Variants in MTUS1 observed in about 807,000 individuals in gnomAD.
MTUS1 encodes microtubule associated scaffold protein 1.
In MTUS1, 109 loss-of-function variants were observed where a neutral mutation model predicts 120.8. The ratio of observed to expected loss-of-function variants is 0.90; its 90% confidence interval spans 0.77 to 1.06. The LOEUF (loss-of-function observed/expected upper bound fraction) is 1.06, where lower values mean the gene tolerates loss of function less well. Among genes scored for constraint, MTUS1 ranks in the 50% least tolerant of loss-of-function variants. The pLI is 0.00. For synonymous variants in MTUS1, 737 were observed against 550.5 expected (o/e 1.34, Z -4.74); for missense variants, 2,210 against 1,486.3 (o/e 1.49, Z -8.01).
chr8:17,670,431 G>A (rs1811779771), intron 8 of MTUS1, among the ~76,000 whole-genome samples: 1 of 152,202 alleles, frequency 6.6e-6, no homozygotes, highest in Admixed American at 6.5e-5. Context: ...GTATGGGACA[G>A]CCACTTGACA....
chr8:17,767,475 T>C (rs186737048), intron 1 of MTUS1, among the ~76,000 whole-genome samples: 14 of 151,138 alleles, frequency 9.3e-5, no homozygotes, highest in Admixed American at 2.6e-4. Context: ...GGCAGGAGGA[T>C]TGCTTGAGGC....
intron 5 of MTUS1, among the ~76,000 whole-genome samples, chr8:17,714,422 G>A (rs1821918953): frequency 6.6e-6 from 1 of 152,252 alleles, no homozygotes; most frequent in African/African-American, 2.4e-5. Context: ...AGAGTTTCAT[G>A]CAGGTTAACC....
At chr8:17,746,108 C>A (rs1275417024) in intron 2 of MTUS1, among the ~76,000 whole-genome samples, 1 of 152,208 alleles carries the variant, frequency 6.6e-6, no homozygotes, top group African/African-American at 2.4e-5. Flanking sequence ...TACCCAGTCT[C>A]AGGTAGTTCT....
rs150377170 is a variant in MTUS1 at position 17,682,577 on chromosome 8, G to A, written c.2838+1751C>T. The stretch of plus-strand genomic sequence containing the variant: ...ATCTAGTGGAAGCTATCCAGGGTCT[G>A]AGCAAGGATGGCATGAATGGGGACA... On this transcript the variant is annotated intron_variant, in intron 7 of 14. Coordinates refer to ENST00000693296, the MANE Select transcript of MTUS1 (RefSeq NM_001363059.2). Among the ~76,000 whole-genome samples, 176 of 150,624 alleles carry A rather than the reference G, an allele frequency of 1.2e-3. 1 individual carries two copies. Among genetic ancestry groups the A allele is most frequent in the African/African-American group, 4.1e-3 (168 of 41,030 alleles).
Position 17,754,573 on chromosome 8 carries a change from G to C in MTUS1, c.1235C>G (p.Thr412Ser). 6.2e-7 allele frequency: 1 copy of C among 1,614,194 alleles called. No individual in the cohort carries two copies. The change falls in exon 2 of 15, where the codon ACT (threonine) becomes AGT (serine). Residue 412 changes from threonine (T) to serine (S), a missense_variant. Coordinates refer to ENST00000693296, the MANE Select transcript of MTUS1 (RefSeq NM_001363059.2). ...AATGACCATATCATTTGCATCCCAA[G>C]TCAGTCCAAATGACGAGCCCACCTT... Reference protein sequence around the residue: ...GQKVGSSFGLTWDANDMVIST... With the variant: ...GQKVGSSFGLSWDANDMVIST...
intron 3 of MTUS1, among the ~76,000 whole-genome samples, chr8:17,724,359 T>G (rs748541782): frequency 3.9e-5 from 6 of 152,126 alleles, no homozygotes; most frequent in African/African-American, 4.8e-5. Context: ...ACTGAAAACT[T>G]TAACAAAATT....
intron 1 of MTUS1, among the ~76,000 whole-genome samples, chr8:17,764,895 G>A (rs1453212719): frequency 1.3e-5 from 2 of 152,156 alleles, no homozygotes; most frequent in East Asian, 1.9e-4. Context: ...GGAGGAGGGG[G>A]AGGATTCAAG....
At chr8:17,655,543 GTGAAACC>G (rs1412366628) in intron 9 of MTUS1, among the ~76,000 whole-genome samples, 1 of 152,094 alleles carries the variant, frequency 6.6e-6, no homozygotes, top group East Asian at 1.9e-4. Flanking sequence ...GGCCAACATG[GTGAAACC>G]CCGTCTCTAC....
intron 8 of MTUS1, among the ~76,000 whole-genome samples, chr8:17,670,784 G>T (rs957381729): frequency 1.3e-5 from 2 of 151,708 alleles, no homozygotes; most frequent in Admixed American, 1.3e-4. Context: ...GATAGTGCCA[G>T]TGCACTCCAG....
At chr8:17,714,717 A>T (rs1170564013) in intron 5 of MTUS1, among the ~76,000 whole-genome samples, 1 of 152,126 alleles carries the variant, frequency 6.6e-6, no homozygotes, top group East Asian at 1.9e-4. Context: ...AGAGGAAAAA[A>T]GTCACAAGGA....
At chr8:17,772,425 G>A (rs1250532882) in intron 1 of MTUS1, among the ~76,000 whole-genome samples, 1 of 152,260 alleles carries the variant, frequency 6.6e-6, no homozygotes, top group Non-Finnish European at 1.5e-5. Flanking sequence ...CTGTACCACA[G>A]AGGATTTAAA....
chr8:17,751,234 G>A (rs185660175), intron 2 of MTUS1, among the ~76,000 whole-genome samples: 3 of 152,290 alleles, frequency 2.0e-5, no homozygotes, highest in East Asian at 3.9e-4. Flanking sequence ...GGGAGGCAGA[G>A]GTTGCAGTGA....
chr8:17,755,184 C>T lies in MTUS1; in HGVS notation c.624G>A (p.Trp208Ter). The change falls in exon 2 of 15, where the codon TGG becomes TGA. Residue 208 changes from tryptophan (W) to a stop codon, truncating the protein, a stop_gained. Transcript: ENST00000693296. LOFTEE classifies it high-confidence loss of function. ...GSTSSLSYST[W>*]TSSHSDKTHA... Reference sequence around the variant, plus strand: ...GCGTCTTATCAGAATGGGAAGATGTCCAAGTGGAATAGGATAAAGAAGATG... The same window carrying T: ...GCGTCTTATCAGAATGGGAAGATGTTCAAGTGGAATAGGATAAAGAAGATG... 2.5e-6 allele frequency: 4 copies of T among 1,614,158 alleles called. No individual in the cohort carries two copies. Among genetic ancestry groups the T allele is most frequent in the Non-Finnish European group, 3.4e-6 (4 of 1,180,034 alleles).
chr8:17,649,297 C>T (rs1230306655), intron 13 of MTUS1, among the ~76,000 whole-genome samples: 2 of 152,060 alleles, frequency 1.3e-5, no homozygotes, highest in Non-Finnish European at 1.5e-5. Flanking sequence ...CCTCAAGTGA[C>T]CCACCCATCT....
intron 1 of MTUS1, among the ~76,000 whole-genome samples, chr8:17,790,785 G>A (rs369339904): frequency 6.6e-6 from 1 of 152,080 alleles, no homozygotes; most frequent in Non-Finnish European, 1.5e-5. Flanking sequence ...TCAAGAGTTC[G>A]AGACCAGCGT....
rs181736440 is a variant in MTUS1 at position 17,663,529 on chromosome 8, C to A, written c.2906-7464G>T. Among the ~76,000 whole-genome samples the A allele has an allele frequency of 1.1e-3, 171 of 152,326 alleles. 3 individuals are homozygous for A. The highest frequency in any genetic ancestry group is 3.4e-3 in the Middle Eastern group (1 of 294). Reference sequence around the variant, plus strand: ...AAATTACTTGGGTTCAAATCTCAGTCACACCACTCAGCTGCTACATCACTT... The same window carrying A: ...AAATTACTTGGGTTCAAATCTCAGTAACACCACTCAGCTGCTACATCACTT... On this transcript the variant is annotated intron_variant, in intron 8 of 14. Transcript: ENST00000693296.
intron 2 of MTUS1, among the ~76,000 whole-genome samples, chr8:17,747,873 C>A (rs2047890293): frequency 1.3e-5 from 2 of 152,222 alleles, no homozygotes; most frequent in East Asian, 3.9e-4. Flanking sequence ...CAAGGAGGAG[C>A]AAGACATGTC....
At chr8:17,753,126 G>A (rs1025053463) in intron 2 of MTUS1, among the ~76,000 whole-genome samples, 1 of 152,020 alleles carries the variant, frequency 6.6e-6, no homozygotes, top group Non-Finnish European at 1.5e-5. Flanking sequence ...TATTAAGGCT[G>A]CAAGAGGCTT....
intron 8 of MTUS1, chr8:17,674,543 A>C (rs778900299): frequency 2.3e-5 from 23 of 985,778 alleles, no homozygotes; most frequent in Non-Finnish European, 2.8e-5. Flanking sequence ...CGTAGCCTGG[A>C]AACTGGAGGG....
Sources: allele counts gnomAD v4.1 joint callset (sites outside exome capture counted in the v4.1 genomes callset), GRCh38; gene constraint gnomAD v4.1.1; transcripts MANE v1.5; gene names NCBI Gene and HGNC (gene_info 2026-07-23, HGNC 2026-07-21).